The following RXRA variants were observed in gnomAD, a reference collection of about 807,000 sequenced individuals.
RXRA encodes retinoic acid receptor RXR-alpha.
RXRA carries 5 observed loss-of-function variants against 44.5 expected under a neutral mutation model. The ratio of observed to expected loss-of-function variants is 0.11; its 90% confidence interval spans 0.06 to 0.24. The LOEUF (loss-of-function observed/expected upper bound fraction) is 0.24. Among genes scored for constraint, RXRA ranks in the 10% least tolerant of loss-of-function variants. The pLI, the probability that RXRA is intolerant of heterozygous loss-of-function variation, is 1.00. For synonymous variants in RXRA, 291 were observed against 271.4 expected (o/e 1.07, Z -0.71); for missense variants, 412 against 646.5 (o/e 0.64, Z 3.93).
At chr9:134,423,278 C>A in intron 6 of RXRA, 1 of 985,432 alleles carries the variant, frequency 1.0e-6, no homozygotes, top group Non-Finnish European at 1.2e-6. Context: ...GGTCACTGTC[C>A]CATGTCCCCC....
chr9:134,335,482 G>A (rs1268784651), intron 1 of RXRA, among the ~76,000 whole-genome samples: 2 of 152,218 alleles, frequency 1.3e-5, no homozygotes, highest in African/African-American at 2.4e-5. Flanking sequence ...ATGCCCGTGC[G>A]GGCGTAAGTA....
intron 1 of RXRA, among the ~76,000 whole-genome samples, chr9:134,353,097 G>A (rs1004540961): frequency 1.3e-5 from 2 of 152,142 alleles, no homozygotes; most frequent in African/African-American, 4.8e-5. Context: ...CTTCTGGAGG[G>A]GGGAGGAGGG....
intron 4 of RXRA, among the ~76,000 whole-genome samples, chr9:134,411,551 G>A (rs1831149012): frequency 6.6e-6 from 1 of 152,228 alleles, no homozygotes. Flanking sequence ...TTTCTTGCCG[G>A]TCCTTCCTGC....
At chr9:134,358,031 C>T (rs956725019) in intron 1 of RXRA, among the ~76,000 whole-genome samples, 2 of 152,198 alleles carry the variant, frequency 1.3e-5, no homozygotes, top group East Asian at 1.9e-4. Context: ...CTGTGCTCCC[C>T]GACATCCCTG....
chr9:134,432,504 C>G (rs34123640), intron 8 of RXRA, among the ~76,000 whole-genome samples: 1 of 152,218 alleles, frequency 6.6e-6, no homozygotes, highest in Non-Finnish European at 1.5e-5. Context: ...GGGGCTGGGG[C>G]TGGGCACAGG....
In RXRA at chr9:134,407,112, AC is replaced by A. The variant is rs1284091112; in HGVS notation, c.280-1035del. 2.2e-4 allele frequency among the ~76,000 whole-genome samples: 33 copies of A among 152,306 alleles called. No individual in the cohort carries two copies. The highest frequency in any genetic ancestry group is 1.2e-4 in the Non-Finnish European group (8 of 68,034). ...GCCCACCTGGGCAGATCGAGGAAGA[AC>A]CTAGAAGCCAGAACAAGCTGGGGCT... On this transcript the variant is annotated intron_variant, in intron 2 of 9. Transcript: ENST00000481739. This position sits in a 1 kb window ranked among gnomAD's most constrained non-coding sequence, Gnocchi z 4.8.
intron 1 of RXRA, among the ~76,000 whole-genome samples, chr9:134,353,288 C>A (rs1830243720): frequency 6.6e-6 from 1 of 152,118 alleles, no homozygotes; most frequent in Non-Finnish European, 1.5e-5. Context: ...TCAGGGGTAT[C>A]CCTGGTGTGC....
At chr9:134,409,338 G>A (rs889650534) in intron 4 of RXRA, among the ~76,000 whole-genome samples, 10 of 152,228 alleles carry the variant, frequency 6.6e-5, no homozygotes, top group Non-Finnish European at 2.9e-5. Flanking sequence ...TCTGGCTGGC[G>A]TTGGCTGTCC....
chr9:134,421,652 C>T (rs757276542), intron 5 of RXRA, 24 bp from the exon 6 acceptor site: 2 of 1,551,564 alleles, frequency 1.3e-6, no homozygotes, highest in African/African-American at 1.4e-5. Context: ...GACTGAATGT[C>T]CTGCTCTTCT....
At chr9:134,408,813 G>A in intron 3 of RXRA, 127 bp from the exon 4 acceptor site, 1 of 875,646 alleles carries the variant, frequency 1.1e-6, no homozygotes, top group Non-Finnish European at 1.7e-6. Flanking sequence ...CCAGGCAGGG[G>A]TCTGGAGACC....
rs1053373060 is a variant in RXRA at position 134,349,636 on chromosome 9, G to C, written c.28+22977G>C. Among the ~76,000 whole-genome samples the C allele has an allele frequency of 6.6e-6, 1 of 152,178 alleles. No homozygotes were observed. The highest frequency in any genetic ancestry group is 2.4e-5 in the African/African-American group (1 of 41,442). On this transcript the variant is annotated intron_variant, in intron 1 of 9. Coordinates refer to ENST00000481739, the MANE Select transcript of RXRA (RefSeq NM_002957.6). This position sits in a 1 kb window ranked among gnomAD's most constrained non-coding sequence, Gnocchi z 4.3. ...TGAGTGGGTGACATCAGGAGACCCC[G>C]CATCAGGCAAGGTTACCTGTGTGCC...
intron 6 of RXRA, chr9:134,422,377 C>T: frequency 1.6e-6 from 2 of 1,274,150 alleles, no homozygotes; most frequent in Non-Finnish European, 2.0e-6. Context: ...CCGGGACACT[C>T]CCCCCTCCCG....
intron 6 of RXRA, chr9:134,422,116 C>A: frequency 2.2e-6 from 3 of 1,336,274 alleles, no homozygotes; most frequent in Non-Finnish European, 2.9e-6. Context: ...ACACTTCTAC[C>A]TCCCGGGACA....
chr9:134,375,339 T>C (rs982657233), intron 1 of RXRA, among the ~76,000 whole-genome samples: 3 of 152,050 alleles, frequency 2.0e-5, no homozygotes, highest in Non-Finnish European at 2.9e-5. Flanking sequence ...TGGCTGTGGC[T>C]GGCTGGGCAC....
chr9:134,379,501 G>T (rs919859469), intron 1 of RXRA: 9 of 986,444 alleles, frequency 9.1e-6, no homozygotes, highest in Non-Finnish European at 1.1e-5. Context: ...GCCCATCACT[G>T]ACCGTCTGTG....
chr9:134,331,810 C>G (rs1835010772), intron 1 of RXRA, among the ~76,000 whole-genome samples: 2 of 152,230 alleles, frequency 1.3e-5, no homozygotes, highest in African/African-American at 4.8e-5. Flanking sequence ...CGGGGGCCGC[C>G]TTGAGCTCCA....
chr9:134,326,580 C>T lies in RXRA; in HGVS notation c.-52C>T. The T allele has an allele frequency of 1.3e-6, 1 of 769,026 alleles. No individual in the cohort carries two copies. 47.6% of individuals were successfully genotyped at this position (769,026 alleles called of 1,614,324 possible). A position where few individuals can be genotyped will look rare whatever the true frequency, so the allele number is the denominator to read the frequency against. On this transcript the variant is annotated 5_prime_UTR_variant, in exon 1 of 10. Transcript: ENST00000481739. ...GGGCCGGCCGCGCCGGGGGCCGCCG[C>T]GCCCGCCGCCCGCTGCCTGCGCCGC...
At chr9:134,341,625 C>T (rs1279667985) in intron 1 of RXRA, among the ~76,000 whole-genome samples, 1 of 152,208 alleles carries the variant, frequency 6.6e-6, no homozygotes, top group East Asian at 1.9e-4. Context: ...CATGGGTGGC[C>T]CAGGGTTGGG....
At chr9:134,425,049 A>G (rs1344502485) in intron 6 of RXRA, 2 of 985,320 alleles carry the variant, frequency 2.0e-6, no homozygotes, top group Admixed American at 1.2e-4. Context: ...AATTCCCACC[A>G]TCGTGAGAGC....
Sources: gnomAD v4.1 joint callset for allele counts (sites outside exome capture counted in the v4.1 genomes callset) on GRCh38, gnomAD v4.1.1 for gene constraint, Gnocchi (gnomAD v3.1) non-coding constraint, MANE v1.5 for transcripts, NCBI Gene and HGNC (gene_info 2026-07-23, HGNC 2026-07-21) for gene names.